ENTREP1: variants seen among roughly 807,000 people sequenced by gnomAD.
The protein encoded by ENTREP1 is endosomal transmembrane epsin interactor 1, also known as Friedreich ataxia region gene X123.
the ENTREP1 span, among the ~76,000 whole-genome samples, chr9:69,352,864 G>T: frequency 2.0e-5 from 3 of 152,144 alleles, no homozygotes; most frequent in Admixed American, 6.6e-5. Flanking sequence ...GGCTGGATGT[G>T]GTGGCCCATG....
the ENTREP1 span, among the ~76,000 whole-genome samples, chr9:69,356,910 A>G: frequency 1.3e-5 from 2 of 152,070 alleles, no homozygotes; most frequent in Admixed American, 1.3e-4. Flanking sequence ...ACAGAGCTAG[A>G]TATGTGCTGA....
the ENTREP1 span, among the ~76,000 whole-genome samples, chr9:69,358,902 CTTTTTTTTTT>C: frequency 1.0e-5 from 1 of 96,368 alleles, no homozygotes; most frequent in African/African-American, 4.1e-5. Context: ...CTTTTTCTTT[CTTTTTTTTTT>C]TTTTTTTTTG....
At chr9:69,365,462 A>G in the ENTREP1 span, among the ~76,000 whole-genome samples, 1 of 152,168 alleles carries the variant, frequency 6.6e-6, no homozygotes, top group Non-Finnish European at 1.5e-5. Flanking sequence ...TCATATAATG[A>G]TCAAATCAGG....
the ENTREP1 span, chr9:69,371,279 CTT>C: frequency 1.7e-6 from 1 of 580,096 alleles, no homozygotes; most frequent in Non-Finnish European, 3.1e-6. Context: ...AAAATAAGGA[CTT>C]GAGGTTATTG....
chr9:69,381,788 C>T, the ENTREP1 span: 1 of 152,262 alleles, frequency 6.6e-6, no homozygotes, highest in African/African-American at 2.4e-5. Context: ...TATGTCAACT[C>T]TAGCAGCATC....
the ENTREP1 span, chr9:69,391,820 A>G: frequency 1.3e-6 from 2 of 1,573,266 alleles, no homozygotes; most frequent in Non-Finnish European, 8.6e-7. Flanking sequence ...GGAAGACAGA[A>G]GGCCACTCCA....
the ENTREP1 span, among the ~76,000 whole-genome samples, chr9:69,365,698 G>A: frequency 6.8e-6 from 1 of 146,056 alleles, no homozygotes; most frequent in Admixed American, 6.8e-5. Context: ...ACCCATCTCA[G>A]CCTCTGGTTA....
At chr9:69,374,269 T>C in the ENTREP1 span, among the ~76,000 whole-genome samples, 18 of 152,186 alleles carry the variant, frequency 1.2e-4, no homozygotes, top group African/African-American at 4.1e-4. Flanking sequence ...CTCTTGTTGA[T>C]GGACAGTTAG....
the ENTREP1 span, among the ~76,000 whole-genome samples, chr9:69,345,387 G>A: frequency 1.3e-5 from 2 of 152,186 alleles, no homozygotes; most frequent in Non-Finnish European, 2.9e-5. Flanking sequence ...CCTGGGTACT[G>A]TACTTAGTTG....
the ENTREP1 span, among the ~76,000 whole-genome samples, chr9:69,369,113 G>C: frequency 3.3e-5 from 5 of 152,112 alleles, no homozygotes; most frequent in African/African-American, 1.2e-4. Flanking sequence ...AGTTTGCTGA[G>C]AATGATGGTT....
chr9:69,386,405 A>G, the ENTREP1 span: 3 of 151,366 alleles, frequency 2.0e-5, no homozygotes, highest in Admixed American at 2.0e-4. Flanking sequence ...AGAACTTTGG[A>G]TAGAATGAAG....
the ENTREP1 span, chr9:69,379,966 T>C: frequency 0.34 from 51,320 of 152,142 alleles, 10,066 homozygotes; most frequent in South Asian, 0.42. Flanking sequence ...ATCCTCGGAT[T>C]TGTCTCTCTG....
the ENTREP1 span, among the ~76,000 whole-genome samples, chr9:69,354,762 A>G: frequency 6.6e-6 from 1 of 152,192 alleles, no homozygotes; most frequent in Non-Finnish European, 1.5e-5. Context: ...GGAAGCACAC[A>G]TTGTTCAGTT....
the ENTREP1 span, among the ~76,000 whole-genome samples, chr9:69,352,493 T>C: frequency 6.6e-6 from 1 of 152,288 alleles, no homozygotes; most frequent in Admixed American, 6.5e-5. Flanking sequence ...AGATTGGTAA[T>C]ATTTATAATA....
chr9:69,385,843 C>T, the ENTREP1 span: 1 of 1,577,526 alleles, frequency 6.3e-7, no homozygotes. Context: ...TCCACCTCAA[C>T]TCCCAGTTCA....
the ENTREP1 span, among the ~76,000 whole-genome samples, chr9:69,339,221 A>G: frequency 1.3e-5 from 2 of 151,884 alleles, no homozygotes; most frequent in East Asian, 3.9e-4. Context: ...GAGTCTCGCA[A>G]CATTACCCAG....
the ENTREP1 span, among the ~76,000 whole-genome samples, chr9:69,376,574 G>A: frequency 9.5e-4 from 145 of 152,208 alleles, no homozygotes; most frequent in African/African-American, 3.2e-3. Flanking sequence ...CACTTCTGCC[G>A]GTTTTCTTTA....
At chr9:69,325,588 C>A in the ENTREP1 span, 1 of 1,224,788 alleles carries the variant, frequency 8.2e-7, no homozygotes, top group Non-Finnish European at 1.0e-6. Flanking sequence ...CGCTGCTGCC[C>A]GCCCGCCCGC....
At chr9:69,340,865 C>T in the ENTREP1 span, among the ~76,000 whole-genome samples, 1 of 151,986 alleles carries the variant, frequency 6.6e-6, no homozygotes, top group Non-Finnish European at 1.5e-5. Flanking sequence ...AAAGAGCTAA[C>T]ATTTTCCATT....
Sources: gnomAD v4.1 joint callset for allele counts (sites outside exome capture counted in the v4.1 genomes callset) on GRCh38, gnomAD v4.1.1 for gene constraint, MANE v1.5 for transcripts, NCBI Gene and HGNC (gene_info 2026-07-23, HGNC 2026-07-21) for gene names.